Variants in TUBGCP5 observed in about 807,000 individuals in gnomAD.
TUBGCP5 encodes the protein gamma-tubulin complex component 5.
Under a neutral mutation model 134.7 loss-of-function variants are expected in TUBGCP5, and 98 were observed. The ratio of observed to expected loss-of-function variants is 0.73; its 90% CI spans 0.62 to 0.86. The LOEUF (loss-of-function observed/expected upper bound fraction) is 0.86, where lower values mean the gene tolerates loss of function less well. Among genes scored for constraint, TUBGCP5 ranks in the 40% least tolerant of loss-of-function variants. The probability of loss-of-function intolerance (pLI) is 0.00; values close to 1 mark genes in which losing one functional copy is unlikely to be tolerated. For missense variants in TUBGCP5, 1,150 were observed against 1,244.8 expected, an observed-to-expected ratio of 0.92 and a Z score of 1.15; for synonymous variants, 456 against 431.4, an observed-to-expected ratio of 1.06 and a Z score of -0.71.
intron 14 of TUBGCP5, 73 bp downstream of exon 14, chr15:23,011,060 G>C: frequency 6.7e-7 from 1 of 1,495,594 alleles, no homozygotes; most frequent in South Asian, 1.2e-5. Context: ...CTACCTGCCA[G>C]AAATAAACAG....
chr15:23,036,365 TGCCTA>T (rs1240464247), intron 3 of TUBGCP5, among the ~76,000 whole-genome samples: 1 of 152,218 alleles, frequency 6.6e-6, no homozygotes, highest in Admixed American at 6.5e-5. Context: ...TGGACATGCG[TGCCTA>T]GCTTCTCCTA....
At chr15:23,003,851 C>G (rs1235245460) in intron 20 of TUBGCP5, among the ~76,000 whole-genome samples, 5 of 152,012 alleles carry the variant, frequency 3.3e-5, no homozygotes. Context: ...CAGAGTCTTG[C>G]TATGTTGCCC....
chr15:23,035,790 G>A (rs1200433885), intron 3 of TUBGCP5, among the ~76,000 whole-genome samples: 1 of 152,174 alleles, frequency 6.6e-6, no homozygotes, highest in Non-Finnish European at 1.5e-5. Context: ...GGTGGGGGCT[G>A]TGGACACAGA....
intron 20 of TUBGCP5, among the ~76,000 whole-genome samples, 158 bp downstream of exon 20, chr15:23,003,944 T>A (rs1209362160): frequency 1.3e-5 from 2 of 152,182 alleles, no homozygotes; most frequent in African/African-American, 4.8e-5. Context: ...TGAGCCATTG[T>A]GGCCGGCCTG....
Position 23,000,559 on chromosome 15 carries a change from A to T in TUBGCP5, c.3028+10T>A. Reference sequence around the variant, plus strand: ...ACAGAGGTAGAAATATTTTAACATGATATACTCACAATGGGGAAAGGATCC... The same window carrying T: ...ACAGAGGTAGAAATATTTTAACATGTTATACTCACAATGGGGAAAGGATCC... On this transcript the variant is annotated intron_variant, in intron 22 of 22. Coordinates refer to ENST00000615383, the MANE Select transcript of TUBGCP5 (RefSeq NM_052903.6). 1 of 1,611,156 alleles carries T rather than the reference A, an allele frequency of 6.2e-7. No individual in the cohort carries two copies.
chr15:23,003,314 G>GTTCTGAACCATGCCCATCT (rs1464583524), intron 20 of TUBGCP5, among the ~76,000 whole-genome samples, 161 bp from the exon 21 acceptor site: 1 of 152,118 alleles, frequency 6.6e-6, no homozygotes, highest in Non-Finnish European at 1.5e-5. Flanking sequence ...TGCCCATTTG[G>GTTCTGAACCATGCCCATCT]GACCAGGCAC....
intron 13 of TUBGCP5, among the ~76,000 whole-genome samples, chr15:23,016,969 G>GATAGATATATATATATATATATATAT (rs1555439438): frequency 5.5e-5 from 6 of 109,396 alleles, no homozygotes; most frequent in Non-Finnish European, 9.4e-5. Flanking sequence ...AAAATTGTGA[G>GATAGATATATATATATATATATATAT]ATATATATAT....
chr15:23,002,504 C>T (rs1423763264), intron 21 of TUBGCP5, among the ~76,000 whole-genome samples: 1 of 152,190 alleles, frequency 6.6e-6, no homozygotes, highest in Non-Finnish European at 1.5e-5. Flanking sequence ...GGCCACTTCC[C>T]CTGATTCAGT....
Position 23,030,840 on chromosome 15 carries a change from G to T in TUBGCP5, c.622+45C>A, listed in dbSNP as rs202129486. The T allele has an allele frequency of 1.6e-4, 261 of 1,596,448 alleles. 2 individuals are homozygous for T. Among genetic ancestry groups the T allele is most frequent in the Non-Finnish European group, 3.3e-5 (39 of 1,174,898 alleles). On this transcript the variant is annotated intron_variant, in intron 6 of 22. Transcript: ENST00000615383. ...CTCAAAGTTTGCCTTTCCTTCTAGG[G>T]AATTTGTCTATTAGAAAATGCGAGC...
intron 1 of TUBGCP5, among the ~76,000 whole-genome samples, chr15:23,038,228 T>C (rs554381035): frequency 3.3e-5 from 5 of 152,216 alleles, no homozygotes; most frequent in Admixed American, 6.5e-5. Context: ...TGTACTTAAA[T>C]AAAATTACAC....
intron 23 of TUBGCP5, among the ~76,000 whole-genome samples, chr15:22,992,082 G>A (rs9806746): frequency 0.023 from 3,551 of 152,272 alleles, 81 homozygotes; most frequent in African/African-American, 0.065. Flanking sequence ...CAATGAGGAA[G>A]AGAGTGAATC....
chr15:23,000,817 C>T, intron 21 of TUBGCP5, 148 bp from the exon 22 acceptor site: 1 of 606,886 alleles, frequency 1.6e-6, no homozygotes, highest in Non-Finnish European at 2.7e-6. Flanking sequence ...CACATAACGT[C>T]CTACCCTACT....
At chr15:23,033,184 T>C (rs927896697) in intron 3 of TUBGCP5, among the ~76,000 whole-genome samples, 1 of 152,214 alleles carries the variant, frequency 6.6e-6, no homozygotes, top group African/African-American at 2.4e-5. Context: ...CCTGATAGTT[T>C]AACTAAGATG....
rs558590946 is a variant in TUBGCP5, at chr15:23,032,737, T to C, written c.397A>G (p.Lys133Glu). 1 of 1,579,804 alleles carries C rather than the reference T, an allele frequency of 6.3e-7. No individual in the cohort carries two copies. The highest frequency in any genetic ancestry group is 1.9e-5 in the Admixed American group (1 of 52,314). ...NSSYVETPRN[K>E]EVEKKDDFDW... ...GAATCTAGTAACATACCCACTTCTT[T>C]ATTTCTTGGTGTCTCCACATAACTG... Residue 133 changes from lysine (K) to glutamate (E), a missense_variant, in exon 4 of 23, where the codon AAA (lysine) becomes GAA (glutamate). By Grantham distance (56) the Lys-to-Glu change is moderately conservative (BLOSUM62 1). Around this residue, in one of 2 missense-constraint regions of TUBGCP5, gnomAD observed 453 missense variants for 394.7 expected, o/e 1.15. Coordinates refer to ENST00000615383, the MANE Select transcript of TUBGCP5 (RefSeq NM_052903.6).
intron 14 of TUBGCP5, among the ~76,000 whole-genome samples, chr15:23,010,858 A>T (rs998043160): frequency 6.6e-6 from 1 of 152,054 alleles, no homozygotes; most frequent in Admixed American, 6.6e-5. Flanking sequence ...ACATGCCTCT[A>T]GTCCCAGGTA....
At chr15:22,985,838 A>G (rs2063660927) in intron 23 of TUBGCP5, among the ~76,000 whole-genome samples, 1 of 150,636 alleles carries the variant, frequency 6.6e-6, no homozygotes, top group African/African-American at 2.4e-5. Context: ...CCATCTCAAA[A>G]AAAAGAAATA....
intron 2 of TUBGCP5, 46 bp from the exon 3 acceptor site, chr15:23,037,051 A>G: frequency 6.3e-7 from 1 of 1,597,574 alleles, no homozygotes; most frequent in South Asian, 1.1e-5. Context: ...AAAGATCTAT[A>G]AGAAAATACA....
At chr15:23,032,999 T>C (rs1057202345) in intron 3 of TUBGCP5, among the ~76,000 whole-genome samples, 175 bp from the exon 4 acceptor site, 9 of 152,188 alleles carry the variant, frequency 5.9e-5, no homozygotes, top group Admixed American at 1.3e-4. Flanking sequence ...CTCAAATGCA[T>C]ACACATAAGG....
chr15:23,011,080 A>G (rs1188982910), intron 14 of TUBGCP5, 53 bp downstream of exon 14: 2 of 1,574,490 alleles, frequency 1.3e-6, no homozygotes, highest in African/African-American at 1.3e-5. Context: ...GTTAGCAAAC[A>G]TTGCACAAAT....
Sources: allele counts gnomAD v4.1 joint callset (sites outside exome capture counted in the v4.1 genomes callset), GRCh38; gene constraint gnomAD v4.1.1; regional missense constraint gnomAD v4.1.1; transcripts MANE v1.5; gene names NCBI Gene and HGNC (gene_info 2026-07-23, HGNC 2026-07-21).